Variants in ARMC2 observed in about 807,000 individuals in gnomAD.
ARMC2 encodes armadillo repeat-containing protein 2.
In ARMC2, 67 loss-of-function variants were observed where a neutral mutation model predicts 90.3. The ratio of observed to expected loss-of-function variants is 0.74; its 90% CI spans 0.61 to 0.91. The LOEUF (loss-of-function observed/expected upper bound fraction) is 0.91, where lower values mean the gene tolerates loss of function less well. ARMC2 is among the 40% of genes least tolerant of loss of function. ARMC2 has a pLI of 0.00. For missense variants in ARMC2, 920 were observed against 1,030.9 expected (o/e 0.89, Z 1.47); for synonymous variants, 393 against 393.0 (o/e 1.00, Z 0.00).
intron 8 of ARMC2, among the ~76,000 whole-genome samples, chr6:108,908,159 C>T (rs1313914778): frequency 1.3e-5 from 2 of 152,058 alleles, no homozygotes; most frequent in Non-Finnish European, 2.9e-5. Flanking sequence ...TGAGATTCTG[C>T]ATTCCTAATA....
chr6:108,902,820 T>G (rs1359591364), intron 7 of ARMC2, among the ~76,000 whole-genome samples: 1 of 152,122 alleles, frequency 6.6e-6, no homozygotes, highest in Non-Finnish European at 1.5e-5. Context: ...CAGAATACAT[T>G]AGATTATTTT....
Position 108,964,298 on chromosome 6 carries a change from AG to A in ARMC2, c.2273del (p.Gly758ValfsTer6), listed in dbSNP as rs781122874. 2.9e-5 allele frequency: 47 copies of A among 1,613,748 alleles called. No homozygotes were observed. Among genetic ancestry groups the A allele is most frequent in the Non-Finnish European group, 3.8e-5 (45 of 1,179,876 alleles). On this transcript the variant is annotated frameshift_variant, in exon 16 of 18. Transcript: ENST00000392644. LOFTEE classifies it high-confidence loss of function. ...ACAAGCGTGTCATCTTGAAAGAAGG[AG>A]GTGGCATTAAAAAGTAAGTTTCAGG... ...KDKRVILKEGGGIKKLVDCLR... is the reference protein window; with the variant it reads ...KDKRVILKEGXGIKKLVDCLR...
At chr6:108,985,854 A>G in the ARMC2 span, among the ~76,000 whole-genome samples, 3 of 152,242 alleles carry the variant, frequency 2.0e-5, no homozygotes, top group Non-Finnish European at 2.9e-5. Flanking sequence ...TAATGCACTT[A>G]TAAGTAAGTT....
chr6:108,880,835 CTCCT>C (rs913121501), intron 5 of ARMC2, among the ~76,000 whole-genome samples: 25 of 147,066 alleles, frequency 1.7e-4, no homozygotes, highest in Non-Finnish European at 2.8e-4. Flanking sequence ...TCTTTTCTCC[CTCCT>C]TCCTTCCTTC....
Position 108,904,339 on chromosome 6 carries a change from C to T in ARMC2, c.957C>T (p.Thr319=), listed in dbSNP as rs1434227213. 1.9e-6 allele frequency: 3 copies of T among 1,613,572 alleles called. No homozygotes were observed. Among genetic ancestry groups the T allele is most frequent in the Admixed American group, 3.3e-5 (2 of 59,938 alleles). ...AGGGAAGAAGTATTCTCCTGAAGAC[C>T]CTGTGTAAACTAGTTGATGTTGGTT... ...KFKGRSILLK[T]LCKLVDVGSD... The change falls in exon 8 of 18, where the codon ACC becomes ACT. Residue 319 remains threonine, a synonymous_variant. Transcript: ENST00000392644.
chr6:108,910,558 C>T (rs995949687), intron 8 of ARMC2, among the ~76,000 whole-genome samples: 11 of 152,334 alleles, frequency 7.2e-5, no homozygotes, highest in Non-Finnish European at 1.3e-4. Flanking sequence ...ACCATATGAT[C>T]TGGCAACCCC....
intron 12 of ARMC2, among the ~76,000 whole-genome samples, chr6:108,942,494 A>T (rs986931727): frequency 5.3e-5 from 8 of 152,168 alleles, no homozygotes; most frequent in African/African-American, 1.9e-4. Context: ...CAGTGGTTAG[A>T]CACTTTGCCG....
the ARMC2 span, among the ~76,000 whole-genome samples, chr6:109,032,316 C>A: frequency 0.11 from 16,617 of 151,564 alleles, 983 homozygotes; most frequent in Middle Eastern, 0.2. Flanking sequence ...AGGCGTGCTC[C>A]CCCTGTACAT....
intron 7 of ARMC2, among the ~76,000 whole-genome samples, chr6:108,902,384 T>C (rs1405544037): frequency 6.6e-6 from 1 of 152,182 alleles, no homozygotes; most frequent in East Asian, 1.9e-4. Flanking sequence ...GCTGAAGAGT[T>C]TGTGGAAGGA....
intron 9 of ARMC2, 58 bp from the exon 10 acceptor site, chr6:108,912,277 A>G (rs1773514937): frequency 2.4e-6 from 3 of 1,252,666 alleles, no homozygotes; most frequent in Admixed American, 4.7e-5. Flanking sequence ...AAGTGCTTTA[A>G]TATATTTCTC....
chr6:108,938,974 C>T (rs1776210791), intron 12 of ARMC2, among the ~76,000 whole-genome samples: 1 of 151,826 alleles, frequency 6.6e-6, no homozygotes, highest in African/African-American at 2.4e-5. Flanking sequence ...AACTAAATGT[C>T]CTAAAGTTTT....
the ARMC2 span, chr6:109,008,891 T>C: frequency 2.2e-4 from 219 of 986,330 alleles, no homozygotes; most frequent in Non-Finnish European, 2.4e-4. Context: ...TTTTTCTTTC[T>C]CTCTCTTTTA....
intron 10 of ARMC2, among the ~76,000 whole-genome samples, chr6:108,924,466 C>T (rs117146372): frequency 0.12 from 18,761 of 151,318 alleles, 1,574 homozygotes; most frequent in Non-Finnish European, 0.19. Flanking sequence ...TGCAGTGAGC[C>T]GAGATCGAGA....
At chr6:108,989,578 T>C in the ARMC2 span, among the ~76,000 whole-genome samples, 16 of 151,222 alleles carry the variant, frequency 1.1e-4, no homozygotes, top group Non-Finnish European at 2.1e-4. Flanking sequence ...TAGAGATATC[T>C]ATATATAGAG....
the ARMC2 span, chr6:108,987,386 A>G: frequency 1.9e-6 from 1 of 529,088 alleles, no homozygotes; most frequent in South Asian, 2.9e-5. Context: ...TTGTGCCAGC[A>G]GTGGTTTTCC....
the ARMC2 span, among the ~76,000 whole-genome samples, chr6:109,043,595 T>C: frequency 6.6e-6 from 1 of 152,090 alleles, no homozygotes; most frequent in Non-Finnish European, 1.5e-5. Flanking sequence ...AACTGGAATT[T>C]GAAATTAAAA....
intron 1 of ARMC2, among the ~76,000 whole-genome samples, chr6:108,854,003 G>A (rs573464160): frequency 2.6e-5 from 4 of 151,878 alleles, no homozygotes; most frequent in Non-Finnish European, 5.9e-5. Flanking sequence ...TTTCATCCTG[G>A]TTTTCTTTCC....
the ARMC2 span, among the ~76,000 whole-genome samples, chr6:109,039,446 T>C: frequency 6.6e-6 from 1 of 152,218 alleles, no homozygotes; most frequent in Non-Finnish European, 1.5e-5. Flanking sequence ...TATTTCACGA[T>C]TTTCAGTTCA....
At chr6:108,881,526 A>T (rs1181153070) in intron 5 of ARMC2, among the ~76,000 whole-genome samples, 1 of 152,154 alleles carries the variant, frequency 6.6e-6, no homozygotes, top group African/African-American at 2.4e-5. Context: ...CTTTTAATTC[A>T]GAAAGATGTA....
Sources: allele counts gnomAD v4.1 joint callset (sites outside exome capture counted in the v4.1 genomes callset), GRCh38; gene constraint gnomAD v4.1.1; transcripts MANE v1.5; gene names NCBI Gene and HGNC (gene_info 2026-07-23, HGNC 2026-07-21).